The following XKR6 variants were observed in gnomAD, a reference collection of about 807,000 sequenced individuals.
XKR6 encodes the protein XK-related protein 6.
In XKR6, 22 loss-of-function variants were observed where a neutral mutation model predicts 56.7. The ratio of observed to expected loss-of-function variants is 0.39; its 90% confidence interval spans 0.28 to 0.55. The LOEUF is 0.55. Ranked by LOEUF, XKR6 falls within the 20% of genes least tolerant of loss-of-function variation. The pLI is 0.66. For synonymous variants in XKR6, 524 were observed against 387.8 expected, an observed-to-expected ratio of 1.35 and a Z score of -4.13; for missense variants, 852 against 889.0, an observed-to-expected ratio of 0.96 and a Z score of 0.53.
chr8:10,982,746 CTGTGACCTTAACCTGCTG>C (rs1466832317), intron 1 of XKR6, among the ~76,000 whole-genome samples: 2 of 152,206 alleles, frequency 1.3e-5, no homozygotes, highest in African/African-American at 4.8e-5. Flanking sequence ...ATTCTAGATG[CTGTGACCTTAACCTGCTG>C]TGGTTGTAGG....
chr8:10,947,407 G>A (rs1477556809), intron 1 of XKR6, among the ~76,000 whole-genome samples: 1 of 152,148 alleles, frequency 6.6e-6, no homozygotes, highest in Non-Finnish European at 1.5e-5. Flanking sequence ...GCAGACAGTG[G>A]AGTTGAGGAA....
chr8:11,015,323 C>T (rs1798593852), intron 1 of XKR6, among the ~76,000 whole-genome samples: 1 of 152,046 alleles, frequency 6.6e-6, no homozygotes, highest in Non-Finnish European at 1.5e-5. Flanking sequence ...ATGCCCAACT[C>T]TCTGGAAAGA....
chr8:10,952,548 A>T (rs1801758142), intron 1 of XKR6, among the ~76,000 whole-genome samples: 1 of 152,126 alleles, frequency 6.6e-6, no homozygotes, highest in Non-Finnish European at 1.5e-5. Flanking sequence ...CGAACTTTTG[A>T]GCTCAAGCAA....
chr8:11,019,475 T>C (rs1203279012), intron 1 of XKR6, among the ~76,000 whole-genome samples: 1 of 152,040 alleles, frequency 6.6e-6, no homozygotes, highest in Admixed American at 6.5e-5. Context: ...TGGAGGGAGG[T>C]GGGCTGCTGG....
At position 11,037,688 on chromosome 8, in the gene XKR6, T is replaced by C. The variant is rs540015851; in HGVS notation, c.765-112858A>G. ...TCCTGGCCAACATGGTGAAACCCTGTCACTACTAAAAATACAAAAATTGGC... is the reference window on the plus strand; with the variant it reads ...TCCTGGCCAACATGGTGAAACCCTGCCACTACTAAAAATACAAAAATTGGC... On this transcript the variant is annotated intron_variant, in intron 1 of 2. Transcript: ENST00000416569. 2.6e-5 allele frequency among the ~76,000 whole-genome samples: 4 copies of C among 152,170 alleles called. No individual in the cohort carries two copies. The South Asian group carries it at 8.3e-4, about 32-fold the overall frequency.
At chr8:11,081,327 G>T (rs943248848) in intron 1 of XKR6, among the ~76,000 whole-genome samples, 7 of 152,304 alleles carry the variant, frequency 4.6e-5, no homozygotes, top group Middle Eastern at 3.4e-3. Context: ...TGCAGGGGTA[G>T]AATTACACAG....
At chr8:10,998,188 C>T (rs940009214) in intron 1 of XKR6, among the ~76,000 whole-genome samples, 4 of 152,258 alleles carry the variant, frequency 2.6e-5, no homozygotes, top group African/African-American at 9.6e-5. Flanking sequence ...CCTTCTCCCA[C>T]TGAGACAGCT....
chr8:11,025,442 C>T (rs577735856), intron 1 of XKR6, among the ~76,000 whole-genome samples: 1 of 152,222 alleles, frequency 6.6e-6, no homozygotes, highest in African/African-American at 2.4e-5. Flanking sequence ...AAGCCAGACA[C>T]TTGGGGTGCA....
chr8:11,174,751 C>G (rs998394835), intron 1 of XKR6, among the ~76,000 whole-genome samples: 2 of 152,106 alleles, frequency 1.3e-5, no homozygotes, highest in African/African-American at 4.8e-5. Flanking sequence ...AAGTCTAGCT[C>G]TCACCTGGAG....
chr8:11,076,787 G>A (rs998965610), intron 1 of XKR6, among the ~76,000 whole-genome samples: 3 of 152,172 alleles, frequency 2.0e-5, no homozygotes, highest in Non-Finnish European at 4.4e-5. Context: ...GGCCCGCAGA[G>A]GACAGGCAGT....
At chr8:11,097,171 T>C (rs553023236) in intron 1 of XKR6, among the ~76,000 whole-genome samples, 3 of 152,300 alleles carry the variant, frequency 2.0e-5, no homozygotes, top group Admixed American at 2.0e-4. Flanking sequence ...ATAGACTTTG[T>C]CTCCTTAGCC....
intron 1 of XKR6, among the ~76,000 whole-genome samples, chr8:11,050,967 T>C (rs1011665163): frequency 5.9e-5 from 9 of 152,174 alleles, no homozygotes; most frequent in African/African-American, 2.2e-4. Flanking sequence ...CTCCTCCAGC[T>C]ATGGCCCTTA....
chr8:11,108,688 T>C (rs1798773561), intron 1 of XKR6: 1 of 213,572 alleles, frequency 4.7e-6, no homozygotes, highest in Admixed American at 6.0e-5. Context: ...TGAGCGACCT[T>C]CAAGATCTGA....
At chr8:10,988,662 C>G (rs1052439919) in intron 1 of XKR6, among the ~76,000 whole-genome samples, 1 of 152,214 alleles carries the variant, frequency 6.6e-6, no homozygotes, top group African/African-American at 2.4e-5. Flanking sequence ...TGGGACATGT[C>G]ACCTGCTCAG....
At chr8:11,125,330 C>G (rs1172748622) in intron 1 of XKR6, among the ~76,000 whole-genome samples, 1 of 152,046 alleles carries the variant, frequency 6.6e-6, no homozygotes, top group Non-Finnish European at 1.5e-5. Flanking sequence ...GAACCCCGCA[C>G]AATTCACAGG....
chr8:11,083,015 G>A (rs537138789), intron 1 of XKR6, among the ~76,000 whole-genome samples: 2 of 152,178 alleles, frequency 1.3e-5, no homozygotes, highest in South Asian at 2.1e-4. Flanking sequence ...CACAGGCAGC[G>A]CACAGCACTC....
At chr8:11,043,000 C>A (rs1309681927) in intron 1 of XKR6, among the ~76,000 whole-genome samples, 2 of 152,172 alleles carry the variant, frequency 1.3e-5, no homozygotes, top group African/African-American at 4.8e-5. Flanking sequence ...TGGTGGACCC[C>A]AGGCTTGTGC....
intron 1 of XKR6, among the ~76,000 whole-genome samples, chr8:11,139,649 G>A (rs184238824): frequency 1.2e-4 from 18 of 152,288 alleles, no homozygotes; most frequent in Admixed American, 4.6e-4. Context: ...TCAAAAAGGA[G>A]CAAAACAGGG....
At chr8:11,129,755 G>C (rs935024175) in intron 1 of XKR6, among the ~76,000 whole-genome samples, 2 of 152,170 alleles carry the variant, frequency 1.3e-5, no homozygotes, top group Admixed American at 1.3e-4. Context: ...GTGGGAAGGA[G>C]GACAGGGAAA....
Sources: gnomAD v4.1 joint callset for allele counts (sites outside exome capture counted in the v4.1 genomes callset) on GRCh38, gnomAD v4.1.1 for gene constraint, MANE v1.5 for transcripts, NCBI Gene and HGNC (gene_info 2026-07-23, HGNC 2026-07-21) for gene names.